Variants in VCAN observed in about 807,000 individuals in gnomAD.
The protein encoded by VCAN is versican core protein.
In VCAN, 44 loss-of-function variants were observed where a neutral mutation model predicts 245.5. The observed-to-expected ratio is 0.18, with a 90% confidence interval of 0.14 to 0.23. The LOEUF (loss-of-function observed/expected upper bound fraction) is 0.23, where lower values mean the gene tolerates loss of function less well. VCAN is among the 10% of genes least tolerant of loss of function. VCAN has a pLI of 1.00. For missense variants in VCAN, 3,793 were observed against 4,057.9 expected (o/e 0.93, Z 1.77); for synonymous variants, 1,413 against 1,437.0 (o/e 0.98, Z 0.38).
intron 7 of VCAN, among the ~76,000 whole-genome samples, chr5:83,523,651 G>C (rs560214961): frequency 1.3e-5 from 2 of 152,234 alleles, no homozygotes; most frequent in South Asian, 2.1e-4. Flanking sequence ...TCAGTGAATA[G>C]TAGAGAAGAG....
At chr5:83,518,382 A>ATT (rs1381385079) in intron 6 of VCAN, among the ~76,000 whole-genome samples, 1 of 152,228 alleles carries the variant, frequency 6.6e-6, no homozygotes, top group African/African-American at 2.4e-5. Flanking sequence ...ATCTGGAGCC[A>ATT]TTATAATGCA....
chr5:83,484,362 C>A (rs1744720851), intron 2 of VCAN, among the ~76,000 whole-genome samples: 1 of 152,188 alleles, frequency 6.6e-6, no homozygotes, highest in African/African-American at 2.4e-5. Flanking sequence ...TCCAGCCATC[C>A]ATTCATCTGT....
At chr5:83,498,275 T>A (rs529720936) in intron 5 of VCAN, among the ~76,000 whole-genome samples, 16 of 152,318 alleles carry the variant, frequency 1.1e-4, no homozygotes, top group Admixed American at 9.8e-4. Context: ...AATTACCCTC[T>A]TGCAAATATT....
At chr5:83,490,538 T>C (rs999351708) in intron 3 of VCAN, 66 bp downstream of exon 3, 3 of 1,602,008 alleles carry the variant, frequency 1.9e-6, no homozygotes, top group Admixed American at 3.3e-5. Context: ...CATTGAGAAA[T>C]AGCACTCAGA....
intron 12 of VCAN, among the ~76,000 whole-genome samples, chr5:83,561,755 G>A (rs2112482499): frequency 6.6e-6 from 1 of 152,244 alleles, no homozygotes; most frequent in South Asian, 2.1e-4. Flanking sequence ...AAAAGGGGCA[G>A]AAAAAATGGA....
Position 83,539,371 on chromosome 5 carries a change from A to C in VCAN, c.6368A>C (p.Glu2123Ala), listed in dbSNP as rs757068736. 6.2e-7 allele frequency: 1 copy of C among 1,614,104 alleles called. No individual in the cohort carries two copies. The highest frequency in any genetic ancestry group is 8.5e-7 in the Non-Finnish European group (1 of 1,179,996). Residue 2123 changes from glutamate (E) to alanine (A), a missense_variant, in exon 8 of 15, where the codon GAA becomes GCA. Glu to Ala is a moderately radical substitution (Grantham distance 107). Coordinates refer to ENST00000265077, the MANE Select transcript of VCAN (RefSeq NM_004385.5). ...ETTSEEQIQE[E>A]KSFESPQNSP... ...ACATCAGAGGAACAAATTCAAGAAGAAAAGTCATTTGAATCCCCTCAAAAC... is the reference window on the plus strand; with the variant it reads ...ACATCAGAGGAACAAATTCAAGAAGCAAAGTCATTTGAATCCCCTCAAAAC...
intron 7 of VCAN, among the ~76,000 whole-genome samples, chr5:83,530,463 T>G (rs1282724521): frequency 6.6e-6 from 1 of 152,034 alleles, no homozygotes; most frequent in African/African-American, 2.4e-5. Flanking sequence ...GTTCAGAACT[T>G]TTTTGGTGGG....
chr5:83,488,513 G>A (rs966353119), intron 2 of VCAN, among the ~76,000 whole-genome samples: 2 of 152,142 alleles, frequency 1.3e-5, no homozygotes, highest in African/African-American at 2.4e-5. Context: ...TCCTTTGTAA[G>A]GAATTCGACC....
Position 83,537,218 on chromosome 5 carries a change from C to G in VCAN, c.4215C>G (p.Thr1405=), listed in dbSNP as rs998159435. The G allele has an allele frequency of 1.9e-6, 3 of 1,613,636 alleles. No homozygotes were observed. In the South Asian group the frequency reaches 3.3e-5, roughly 18 times the overall value. Residue 1405 remains threonine, a synonymous_variant, in exon 8 of 15, where the codon ACC becomes ACG. Coordinates refer to ENST00000265077, the MANE Select transcript of VCAN (RefSeq NM_004385.5). ...ECANATDVTT[T]PSVQYINGKH... ...CAAATGCTACTGATGTGACAACCACCCCATCTGTGCAGTACATAAATGGGA... is the reference window on the plus strand; with the variant it reads ...CAAATGCTACTGATGTGACAACCACGCCATCTGTGCAGTACATAAATGGGA...
chr5:83,549,472 C>T (rs954938030), intron 10 of VCAN, among the ~76,000 whole-genome samples: 10 of 152,154 alleles, frequency 6.6e-5, no homozygotes, highest in Non-Finnish European at 1.5e-4. Context: ...GCTAGTAAAT[C>T]GTACAATGGG....
chr5:83,558,186 C>T (rs1298032115), intron 12 of VCAN, among the ~76,000 whole-genome samples: 1 of 152,166 alleles, frequency 6.6e-6, no homozygotes, highest in Non-Finnish European at 1.5e-5. Flanking sequence ...GTTTTTTCTA[C>T]AGTCACCATC....
Position 83,540,474 on chromosome 5 carries a change from C to T in VCAN, c.7471C>T (p.Leu2491Phe). 2.5e-6 allele frequency: 4 copies of T among 1,613,930 alleles called. No homozygotes were observed. The highest frequency in any genetic ancestry group is 3.4e-6 in the Non-Finnish European group (4 of 1,179,926). The change falls in exon 8 of 15, where the codon CTT (leucine) becomes TTT (phenylalanine). Residue 2491 changes from leucine (L) to phenylalanine (F), a missense_variant. Physicochemically the swap from Leu to Phe is conservative, Grantham distance 22. Coordinates refer to ENST00000265077, the MANE Select transcript of VCAN (RefSeq NM_004385.5). ...CCCAACAGTTTCAGTGATGCTGCCT[C>T]TTCATTCAGAGCAGAACAAAAGCTC... ...GFPTVSVMLPLHSEQNKSSPD... is the reference protein window; with the variant it reads ...GFPTVSVMLPFHSEQNKSSPD...
intron 1 of VCAN, among the ~76,000 whole-genome samples, chr5:83,480,259 T>C (rs745585210): frequency 9.8e-5 from 15 of 152,294 alleles, no homozygotes; most frequent in South Asian, 2.1e-4. Context: ...CCTATGTAGA[T>C]GGAGGACCAT....
At chr5:83,573,636 C>T (rs1432036054) in intron 13 of VCAN, among the ~76,000 whole-genome samples, 1 of 152,130 alleles carries the variant, frequency 6.6e-6, no homozygotes, top group Admixed American at 6.6e-5. Flanking sequence ...TCATAAGCCA[C>T]TTTAGACAAT....
Position 83,519,450 on chromosome 5 carries a change from A to T in VCAN, c.1144A>T (p.Ile382Phe). Residue 382 changes from isoleucine to phenylalanine, a missense_variant, in exon 7 of 15, where the codon ATC becomes TTC. Physicochemically the swap from Ile to Phe is conservative, Grantham distance 21. Transcript: ENST00000265077. Reference sequence around the variant, plus strand: ...GGTTTCTGATAGAACTACACCAATCATCCCTTTAGTTGATGAATTACCTGT... The same window carrying T: ...GGTTTCTGATAGAACTACACCAATCTTCCCTTTAGTTGATGAATTACCTGT... ...QMVSDRTTPI[I>F]PLVDELPVIP... 6.2e-7 allele frequency: 1 copy of T among 1,614,170 alleles called. No homozygotes were observed. The highest frequency in any genetic ancestry group is 8.5e-7 in the Non-Finnish European group (1 of 1,179,972).
intron 6 of VCAN, chr5:83,512,689 T>C (rs943021155): frequency 7.2e-6 from 2 of 278,280 alleles, no homozygotes; most frequent in Admixed American, 4.8e-5. Context: ...TTTATATTAA[T>C]TGCAGTCCTT....
intron 7 of VCAN, 41 bp downstream of exon 7, chr5:83,522,350 C>T (rs1746141689): frequency 3.8e-6 from 6 of 1,590,968 alleles, no homozygotes; most frequent in Non-Finnish European, 5.1e-6. Flanking sequence ...AGGCAATCCT[C>T]ATTTTATCTT....
chr5:83,572,987 G>A (rs1181910028), intron 13 of VCAN, among the ~76,000 whole-genome samples: 2 of 151,374 alleles, frequency 1.3e-5, no homozygotes, highest in African/African-American at 2.4e-5. Context: ...GGCAACCTCC[G>A]CCTCTGGGTT....
In VCAN at chr5:83,521,195, T is replaced by C. The variant is rs1468468459; in HGVS notation, c.2889T>C (p.Pro963=). 2 of 1,613,552 alleles carry C rather than the reference T, an allele frequency of 1.2e-6. No individual in the cohort carries two copies. The highest frequency in any genetic ancestry group is 1.7e-6 in the Non-Finnish European group (2 of 1,179,568). Residue 963 remains proline (P), a synonymous_variant, in exon 7 of 15, where the codon CCT becomes CCC. Transcript: ENST00000265077. ...AFVSYSSTQE[P]TTYVDSSHTI... ...TTAGTTATAGTAGCACCCAAGAGCC[T>C]ACTACTTATGTAGACTCTTCCCATA...
Sources: gnomAD v4.1 joint callset for allele counts (sites outside exome capture counted in the v4.1 genomes callset) on GRCh38, gnomAD v4.1.1 for gene constraint, MANE v1.5 for transcripts, NCBI Gene and HGNC (gene_info 2026-07-23, HGNC 2026-07-21) for gene names.